TTC29: variants seen among roughly 807,000 people sequenced by gnomAD.
TTC29 encodes tetratricopeptide repeat domain 29, also known as tetratricopeptide repeat protein 29.
Under a neutral mutation model 58.1 loss-of-function variants are expected in TTC29, and 49 were observed. The observed-to-expected ratio is 0.84, with a 90% CI of 0.67 to 1.07. The LOEUF (loss-of-function observed/expected upper bound fraction) is 1.07. TTC29 is among the 50% of genes least tolerant of loss of function. TTC29 has a pLI of 0.00. For synonymous variants in TTC29, 209 were observed against 196.8 expected (o/e 1.06, Z -0.52); for missense variants, 582 against 555.6 (o/e 1.05, Z -0.48).
At chr4:146,885,051 G>T (rs1579908680) in intron 6 of TTC29, among the ~76,000 whole-genome samples, 1 of 152,044 alleles carries the variant, frequency 6.6e-6, no homozygotes, top group South Asian at 2.1e-4. Context: ...ACCAGATTAA[G>T]AAAGGCAAAA....
At chr4:146,779,389 A>T (rs1388289084) in intron 11 of TTC29, among the ~76,000 whole-genome samples, 1 of 152,166 alleles carries the variant, frequency 6.6e-6, no homozygotes, top group Admixed American at 6.5e-5. Context: ...TGCATAAAAA[A>T]TAGGAGCAAT....
At chr4:146,910,528 G>T (rs754512795) in intron 4 of TTC29, among the ~76,000 whole-genome samples, 4 of 151,992 alleles carry the variant, frequency 2.6e-5, no homozygotes, top group Non-Finnish European at 5.9e-5. Flanking sequence ...GGTGAGACAG[G>T]AAGTTTAGAA....
At position 146,937,598 on chromosome 4, in the gene TTC29, C is replaced by A; in HGVS notation, c.172G>T (p.Ala58Ser). Residue 58 changes from alanine (A) to serine (S), a missense_variant, in exon 4 of 13, where the codon GCT becomes TCT. Coordinates refer to ENST00000325106, the MANE Select transcript of TTC29 (RefSeq NM_031956.4). ...ACCTTTAAAGGTTGTACTTACGCAG[C>A]AACTTCCTCTTTTGATAATCCTTTG... ...NFKGLSKEEV[A>S]AYRNSYKKNI... is the part of the protein sequence containing the mutation. The A allele has an allele frequency of 6.6e-7, 1 of 1,522,210 alleles. No homozygotes were observed. 94.3% of individuals were successfully genotyped at this position (1,522,210 alleles called of 1,614,324 possible).
At chr4:146,760,800 C>CTATATATATATGATGGAATACTA (rs1561099107) in intron 11 of TTC29, among the ~76,000 whole-genome samples, 5 of 109,864 alleles carry the variant, frequency 4.6e-5, no homozygotes, top group East Asian at 2.7e-4. Context: ...TGATGGAATA[C>CTATATATATATGATGGAATACTA]TATATATATA....
At chr4:146,819,657 T>G (rs1366841147) in intron 10 of TTC29, among the ~76,000 whole-genome samples, 1 of 152,206 alleles carries the variant, frequency 6.6e-6, no homozygotes, top group Non-Finnish European at 1.5e-5. Flanking sequence ...TAAAATCCAC[T>G]CTAAATTTTC....
intron 6 of TTC29, among the ~76,000 whole-genome samples, chr4:146,878,409 C>G (rs952461997): frequency 6.6e-6 from 1 of 152,108 alleles, no homozygotes; most frequent in African/African-American, 2.4e-5. Flanking sequence ...CAAGGCTTTT[C>G]TCTCCCCTAC....
chr4:146,825,381 AGGT>A (rs1281775097), intron 9 of TTC29, among the ~76,000 whole-genome samples: 1 of 152,104 alleles, frequency 6.6e-6, no homozygotes, highest in Non-Finnish European at 1.5e-5. Flanking sequence ...TTCAGGAGCA[AGGT>A]GTTCAATTTC....
At chr4:146,726,066 G>A (rs1178269848) in intron 11 of TTC29, among the ~76,000 whole-genome samples, 2 of 152,144 alleles carry the variant, frequency 1.3e-5, no homozygotes, top group African/African-American at 2.4e-5. Flanking sequence ...TAGAGACAGC[G>A]GTATTGCTAT....
rs143659259 is a variant in TTC29, at chr4:146,821,653, G to T, written c.978-1405C>A. On this transcript the variant is annotated intron_variant, in intron 9 of 12. Transcript: ENST00000325106. ...TGAAGTAATGTTGAAAATTTGAGAAGGGAGACACATATGCTGCACACATGA... is the reference window on the plus strand; with the variant it reads ...TGAAGTAATGTTGAAAATTTGAGAATGGAGACACATATGCTGCACACATGA... 2.5e-3 allele frequency among the ~76,000 whole-genome samples: 387 copies of T among 152,254 alleles called. 3 individuals are homozygous for T. Among genetic ancestry groups the T allele is most frequent in the African/African-American group, 9.0e-3 (372 of 41,552 alleles).
At chr4:146,903,795 G>T in intron 5 of TTC29, 66 bp from the exon 6 acceptor site, 1 of 1,186,794 alleles carries the variant, frequency 8.4e-7, no homozygotes, top group Non-Finnish European at 1.1e-6. Context: ...CCTTTAGAAC[G>T]GCAAACCAAT....
chr4:146,850,540 ACAAAGTTTAAT>A (rs1729451051), intron 8 of TTC29, among the ~76,000 whole-genome samples: 1 of 152,210 alleles, frequency 6.6e-6, no homozygotes, highest in African/African-American at 2.4e-5. Flanking sequence ...AGGGAACTGA[ACAAAGTTTAAT>A]GACTTGCCCA....
At chr4:146,900,690 A>T (rs752739177) in intron 6 of TTC29, among the ~76,000 whole-genome samples, 2 of 152,196 alleles carry the variant, frequency 1.3e-5, no homozygotes, top group Non-Finnish European at 2.9e-5. Flanking sequence ...TCAGAATGAG[A>T]GGGGAATGGG....
At chr4:146,715,685 G>T (rs558804347) in intron 11 of TTC29, among the ~76,000 whole-genome samples, 1 of 152,202 alleles carries the variant, frequency 6.6e-6, no homozygotes, top group African/African-American at 2.4e-5. Context: ...GAGGAATGAA[G>T]TCTGGTGTTC....
intron 8 of TTC29, among the ~76,000 whole-genome samples, chr4:146,836,036 G>T (rs151171593): frequency 2.6e-5 from 4 of 152,232 alleles, no homozygotes; most frequent in African/African-American, 9.6e-5. Context: ...TTGGATTCAT[G>T]TCCTAGCCTT....
chr4:146,834,518 A>G (rs973871179), intron 8 of TTC29, among the ~76,000 whole-genome samples: 2 of 151,000 alleles, frequency 1.3e-5, no homozygotes, highest in African/African-American at 4.9e-5. Context: ...TCTGTATGGT[A>G]TAATTTTCCC....
intron 5 of TTC29, among the ~76,000 whole-genome samples, chr4:146,907,571 T>C (rs989405313): frequency 1.3e-5 from 2 of 152,218 alleles, no homozygotes; most frequent in Non-Finnish European, 1.5e-5. Context: ...CAATCTCAGC[T>C]CACTGCAACT....
chr4:146,876,764 G>T (rs533911449), intron 6 of TTC29, among the ~76,000 whole-genome samples: 1 of 151,686 alleles, frequency 6.6e-6, no homozygotes, highest in Non-Finnish European at 1.5e-5. Flanking sequence ...GTGAAGCTCC[G>T]TCTCTACTAA....
chr4:146,760,717 G>A (rs945904757), intron 11 of TTC29, among the ~76,000 whole-genome samples: 33 of 148,674 alleles, frequency 2.2e-4, no homozygotes, highest in Non-Finnish European at 4.2e-4. Context: ...ATGGTGCTGG[G>A]ATCATTGGCT....
intron 11 of TTC29, among the ~76,000 whole-genome samples, chr4:146,719,847 G>A (rs1158555839): frequency 6.6e-6 from 1 of 151,948 alleles, no homozygotes; most frequent in Non-Finnish European, 1.5e-5. Flanking sequence ...GAAAAAAAAA[G>A]CAATTTATTC....
Sources: allele counts gnomAD v4.1 joint callset (sites outside exome capture counted in the v4.1 genomes callset), GRCh38; gene constraint gnomAD v4.1.1; transcripts MANE v1.5; gene names NCBI Gene and HGNC (gene_info 2026-07-23, HGNC 2026-07-21).